STOX2: variants seen among roughly 807,000 people sequenced by gnomAD.
The protein encoded by STOX2 is storkhead-box protein 2.
Under a neutral mutation model 60.9 loss-of-function variants are expected in STOX2, and 28 were observed. That is an observed-to-expected ratio of 0.46 (90% CI 0.34 to 0.63). The LOEUF is 0.63. Ranked by LOEUF, STOX2 falls within the 30% of genes least tolerant of loss-of-function variation. The probability of loss-of-function intolerance (pLI) is 0.01; values close to 1 mark genes in which losing one functional copy is unlikely to be tolerated. For synonymous variants in STOX2, 472 were observed against 463.9 expected, an observed-to-expected ratio of 1.02 and a Z score of -0.22; for missense variants, 1,024 against 1,187.7, an observed-to-expected ratio of 0.86 and a Z score of 2.03.
intron 1 of STOX2, among the ~76,000 whole-genome samples, chr4:183,817,703 G>T (rs1739184366): frequency 6.6e-6 from 1 of 152,146 alleles, no homozygotes; most frequent in South Asian, 2.1e-4. Context: ...GTGAATTCAG[G>T]TCACCTACTC....
At chr4:183,961,444 G>A (rs1743411063) in intron 1 of STOX2, among the ~76,000 whole-genome samples, 1 of 152,222 alleles carries the variant, frequency 6.6e-6, no homozygotes, top group South Asian at 2.1e-4. Context: ...CCACCGGCAT[G>A]TGAGGAAGCT....
In STOX2 at chr4:184,007,373, T is replaced by G. The variant is rs183856706; in HGVS notation, c.320-1785T>G. 3.9e-5 allele frequency among the ~76,000 whole-genome samples: 6 copies of G among 152,276 alleles called. No homozygotes were observed. The East Asian group carries it at 1.2e-3, about 29-fold the overall frequency. On this transcript the variant is annotated intron_variant, in intron 2 of 3. Transcript: ENST00000308497. ...AGCTGACCCAGGTGTTCTAGGTTGG[T>G]GCACATTGTTGTTTGAAGGCAATCT...
chr4:183,877,586 A>G (rs182187703), intron 1 of STOX2, among the ~76,000 whole-genome samples: 7 of 152,226 alleles, frequency 4.6e-5, no homozygotes, highest in Admixed American at 3.3e-4. Context: ...AGTGGGACGC[A>G]TGGAAGCTTT....
intron 1 of STOX2, among the ~76,000 whole-genome samples, chr4:183,942,687 T>C (rs1742784645): frequency 6.6e-6 from 1 of 152,210 alleles, no homozygotes; most frequent in Non-Finnish European, 1.5e-5. Flanking sequence ...GGCTAACTAC[T>C]GTTTCAGCTT....
intron 1 of STOX2, among the ~76,000 whole-genome samples, chr4:183,984,214 T>C (rs935743596): frequency 6.6e-6 from 1 of 152,244 alleles, no homozygotes; most frequent in Admixed American, 6.5e-5. Context: ...GCTTATGTTA[T>C]GACATATGGG....
intron 2 of STOX2, among the ~76,000 whole-genome samples, chr4:184,007,032 A>C (rs942796726): frequency 5.0e-5 from 6 of 120,334 alleles, no homozygotes; most frequent in African/African-American, 1.8e-4. Flanking sequence ...AAAAAAAAAA[A>C]CAAAACAAAA....
At chr4:183,885,626 G>A (rs1040950097) in intron 1 of STOX2, among the ~76,000 whole-genome samples, 1 of 152,244 alleles carries the variant, frequency 6.6e-6, no homozygotes, top group African/African-American at 2.4e-5. Flanking sequence ...CAAAGTGGAT[G>A]TCTAGCCTGA....
At chr4:183,970,019 C>T (rs1743693058) in intron 1 of STOX2, among the ~76,000 whole-genome samples, 1 of 152,096 alleles carries the variant, frequency 6.6e-6, no homozygotes, top group African/African-American at 2.4e-5. Context: ...GGAGCTGATC[C>T]ATCAGCCATT....
intron 1 of STOX2, among the ~76,000 whole-genome samples, chr4:183,927,508 C>CTTT (rs577464785): frequency 1.4e-5 from 2 of 144,468 alleles, no homozygotes; most frequent in African/African-American, 5.0e-5. Context: ...CTTTTGGGGT[C>CTTT]TTTTTTTTTT....
At chr4:183,970,370 C>T (rs550386104) in intron 1 of STOX2, among the ~76,000 whole-genome samples, 1 of 152,090 alleles carries the variant, frequency 6.6e-6, no homozygotes, top group African/African-American at 2.4e-5. Context: ...GATTGCCCAG[C>T]CACAAGCTGG....
At chr4:183,944,220 T>C (rs760393680) in intron 1 of STOX2, among the ~76,000 whole-genome samples, 29 of 152,210 alleles carry the variant, frequency 1.9e-4, no homozygotes, top group Admixed American at 5.2e-4. Flanking sequence ...GTCTTGGCCC[T>C]GCGGGGCTTA....
intron 1 of STOX2, among the ~76,000 whole-genome samples, chr4:183,810,457 G>A (rs893182646): frequency 6.6e-6 from 1 of 152,200 alleles, no homozygotes; most frequent in Non-Finnish European, 1.5e-5. Context: ...CACAGCATGG[G>A]CAAGTGGCAA....
At chr4:183,851,134 C>G (rs142231756) in intron 1 of STOX2, among the ~76,000 whole-genome samples, 4,253 of 11,362 alleles carry the variant, frequency 0.37, 116 homozygotes, top group Admixed American at 0.43. Flanking sequence ...ATGAGGGAAA[C>G]GATGAGGGAA....
At chr4:183,835,427 T>C (rs1201778748) in intron 1 of STOX2, among the ~76,000 whole-genome samples, 2 of 152,054 alleles carry the variant, frequency 1.3e-5, no homozygotes, top group Admixed American at 6.6e-5. Flanking sequence ...GGTTTCACCA[T>C]GTTAGCCAGG....
At chr4:183,941,931 G>A (rs535860146) in intron 1 of STOX2, among the ~76,000 whole-genome samples, 10 of 152,214 alleles carry the variant, frequency 6.6e-5, no homozygotes, top group Admixed American at 2.6e-4. Flanking sequence ...GGCAACCTAC[G>A]ACTCCTCTTT....
At chr4:183,833,942 A>T (rs1739637354) in intron 1 of STOX2, among the ~76,000 whole-genome samples, 1 of 142,282 alleles carries the variant, frequency 7.0e-6, no homozygotes, top group Non-Finnish European at 1.5e-5. Context: ...AGATCCCGCC[A>T]CTGCACTCCA....
Position 183,836,128 on chromosome 4 carries a change from G to A in STOX2, c.364+38073G>A, listed in dbSNP as rs774753542. 6.6e-6 allele frequency among the ~76,000 whole-genome samples: 1 copy of A among 152,136 alleles called. No homozygotes were observed. Among genetic ancestry groups the A allele is most frequent in the African/African-American group, 2.4e-5 (1 of 41,430 alleles). On this transcript the variant is annotated intron_variant, in intron 1 of 2. Transcript: ENST00000513034. The surrounding 1 kb of genome is among the most constrained non-coding windows in gnomAD (Gnocchi z 4.1). ...CTCCTGGTGACTAATGATGTTGAAC[G>A]TCTTTTCATGTGCTTTTTGGCTGTT...
intron 2 of STOX2, among the ~76,000 whole-genome samples, chr4:184,005,572 G>T (rs564981828): frequency 3.9e-5 from 6 of 151,976 alleles, no homozygotes; most frequent in African/African-American, 7.2e-5. Context: ...TCAGGTTCAG[G>T]CCTGTTAGGA....
chr4:183,814,448 G>A (rs1017342358), intron 1 of STOX2, among the ~76,000 whole-genome samples: 11 of 152,046 alleles, frequency 7.2e-5, no homozygotes, highest in Admixed American at 3.3e-4. Flanking sequence ...TTCATTTTGC[G>A]GACAAAGACA....
Sources: allele counts gnomAD v4.1 joint callset (sites outside exome capture counted in the v4.1 genomes callset), GRCh38; gene constraint gnomAD v4.1.1; non-coding constraint Gnocchi (gnomAD v3.1); transcripts MANE v1.5; gene names NCBI Gene and HGNC (gene_info 2026-07-23, HGNC 2026-07-21).